The following KRT40 variants were observed in gnomAD, a reference collection of about 807,000 sequenced individuals.
The protein encoded by KRT40 is keratin 40, also known as keratin, type I cytoskeletal 40.
Under a neutral mutation model 43.5 loss-of-function variants are expected in KRT40, and 47 were observed. The ratio of observed to expected loss-of-function variants is 1.08; its 90% confidence interval spans 0.86 to 1.38. KRT40 has a LOEUF of 1.38. KRT40 is among the 40% of genes most tolerant of loss of function. KRT40 has a pLI of 0.00. For missense variants in KRT40, 573 were observed against 523.6 expected (o/e 1.09, Z -0.92); for synonymous variants, 212 against 214.0 (o/e 0.99, Z 0.08).
chr17:40,981,788 G>A (rs981805977), intron 3 of KRT40, among the ~76,000 whole-genome samples: 3 of 152,170 alleles, frequency 2.0e-5, no homozygotes, highest in Non-Finnish European at 4.4e-5. Context: ...CTCTGGCGCT[G>A]TCTAGGGGTT....
chr17:40,983,458 G>A (rs879360532), intron 1 of KRT40, among the ~76,000 whole-genome samples: 10 of 152,160 alleles, frequency 6.6e-5, no homozygotes, highest in Non-Finnish European at 1.3e-4. Context: ...AGAAATTCAT[G>A]GAGAGAAGAA....
Position 40,984,028 on chromosome 17 carries a change from A to G in KRT40, c.246T>C (p.Asp82=). 6.2e-7 allele frequency: 1 copy of G among 1,614,022 alleles called. No homozygotes were observed. Among genetic ancestry groups the G allele is most frequent in the Non-Finnish European group, 8.5e-7 (1 of 1,180,018 alleles). The change falls in exon 1 of 7, where the codon GAT becomes GAC. Residue 82 remains aspartate (D), a synonymous_variant. Transcript: ENST00000377755. ...CCTTCTCATTGCTAGTGAACACCCC[A>G]TCCTCACACCAGGCACAGTTCCCCA... ...CLVGNCAWCE[D]GVFTSNEKET...
chr17:40,985,011 T>A (rs1444765642), upstream of KRT40, among the ~76,000 whole-genome samples: 1 of 152,238 alleles, frequency 6.6e-6, no homozygotes, highest in Non-Finnish European at 1.5e-5. Context: ...ACTTGCCTTC[T>A]CCACATTTCT....
chr17:40,981,243 G>C (rs1397083), intron 3 of KRT40, 92 bp from the exon 4 acceptor site: 13 of 1,595,956 alleles, frequency 8.1e-6, no homozygotes, highest in Middle Eastern at 3.3e-4. Context: ...TTTTGGAGCA[G>C]TGGGTAAAAG....
chr17:40,986,759 T>C (rs1912488236), upstream of KRT40, among the ~76,000 whole-genome samples: 1 of 150,796 alleles, frequency 6.6e-6, no homozygotes, highest in Admixed American at 6.6e-5. Context: ...AACAACACGG[T>C]AGTTTATTTT....
At position 40,984,152 on chromosome 17, in the gene KRT40, G is replaced by T; in HGVS notation, c.122C>A (p.Ser41Tyr). The change falls in exon 1 of 7, where the codon TCC becomes TAC. Residue 41 changes from serine to tyrosine, a missense_variant. Transcript: ENST00000377755. ...TACLPGTCAT[S>Y]RCQTPSFLSR... ...TAGGAAGCTTGGAGTCTGACATCGG[G>T]ATGTAGCACAGGTACCGGGGAGACA... 1 of 1,614,118 alleles carries T rather than the reference G, an allele frequency of 6.2e-7. No individual in the cohort carries two copies. Among genetic ancestry groups the T allele is most frequent in the Non-Finnish European group, 8.5e-7 (1 of 1,180,034 alleles).
upstream of KRT40, chr17:40,984,359 C>T: frequency 9.8e-7 from 1 of 1,024,310 alleles, no homozygotes; most frequent in Admixed American, 2.5e-5. Flanking sequence ...TTTTATAACC[C>T]CCCAAAATGG....
chr17:40,977,943 T>G lies in KRT40; in HGVS notation c.*254A>C. On this transcript the variant is annotated 3_prime_UTR_variant, in exon 7 of 7. Transcript: ENST00000377755. ...AACAGTAATCAGCCATAGAGCTATA[T>G]TTACCACGCTAAAGGAATAAAACAC... 1 of 397,822 alleles carries G rather than the reference T, an allele frequency of 2.5e-6. No individual in the cohort carries two copies. The allele number at this position is 397,822 out of a possible 1,614,324, so 24.6% of individuals were successfully genotyped here.
At chr17:40,985,497 C>G (rs866108294), upstream of KRT40, among the ~76,000 whole-genome samples, 3 of 152,002 alleles carry the variant, frequency 2.0e-5, no homozygotes, top group African/African-American at 4.8e-5. Flanking sequence ...AGGAAAAAAA[C>G]AGATTAATCT....
intron 6 of KRT40, among the ~76,000 whole-genome samples, 183 bp from the exon 7 acceptor site, chr17:40,978,479 G>A (rs1911919401): frequency 6.6e-6 from 1 of 152,184 alleles, no homozygotes. Context: ...CACTGTAGCA[G>A]TGGCAGTTGA....
At chr17:40,983,021 TA>T in intron 2 of KRT40, 24 bp downstream of exon 2, 1 of 968,128 alleles carries the variant, frequency 1.0e-6, no homozygotes, top group Non-Finnish European at 1.6e-6. Flanking sequence ...AATAAATAAA[TA>T]AAATAAAATT....
chr17:40,984,023 ACC>A lies in KRT40; in HGVS notation c.249_250del (p.Phe85HisfsTer2), dbSNP rs1912326078. 6.2e-7 allele frequency: 1 copy of A among 1,613,938 alleles called. No homozygotes were observed. ...CGTCTCCTTCTCATTGCTAGTGAAC[ACC>A]CCATCCTCACACCAGGCACAGTTCC... On this transcript the variant is annotated frameshift_variant, in exon 1 of 7. Transcript: ENST00000377755. LOFTEE classifies it high-confidence loss of function.
At chr17:40,979,961 C>G (rs1414543754) in intron 5 of KRT40, among the ~76,000 whole-genome samples, 1 of 152,152 alleles carries the variant, frequency 6.6e-6, no homozygotes, top group Non-Finnish European at 1.5e-5. Context: ...AATATCCTGA[C>G]TTGATCATTA....
chr17:40,986,690 T>G (rs1166929922), upstream of KRT40, among the ~76,000 whole-genome samples: 1 of 150,898 alleles, frequency 6.6e-6, no homozygotes, highest in Non-Finnish European at 1.5e-5. Context: ...AAAGGAACAT[T>G]GGGAATAGAG....
chr17:40,984,139 A>T lies in KRT40; in HGVS notation c.135T>A (p.Thr45=), dbSNP rs992497784. 17 of 1,614,018 alleles carry T rather than the reference A, an allele frequency of 1.1e-5. No individual in the cohort carries two copies. In the Admixed American group the frequency reaches 2.0e-4, roughly 19 times the overall value. Residue 45 remains threonine, a synonymous_variant, in exon 1 of 7, where the codon ACT becomes ACA. Transcript: ENST00000377755. ...CGCGAGACCTGGATAGGAAGCTTGG[A>T]GTCTGACATCGGGATGTAGCACAGG... ...PGTCATSRCQ[T]PSFLSRSRGL...
At chr17:40,985,401 C>A (rs573978637), upstream of KRT40, among the ~76,000 whole-genome samples, 16 of 152,192 alleles carry the variant, frequency 1.1e-4, no homozygotes, top group South Asian at 3.1e-3. Flanking sequence ...TAATCTATTT[C>A]ACTTTGCTTG....
In KRT40 at chr17:40,984,163, G is replaced by T. The variant is rs918200883; in HGVS notation, c.111C>A (p.Thr37=). ...GAGTCTGACATCGGGATGTAGCACA[G>T]GTACCGGGGAGACAAGCTGTTTCCA... ...CSVETACLPG[T]CATSRCQTPS... The change falls in exon 1 of 7, where the codon ACC becomes ACA. Residue 37 remains threonine (T), a synonymous_variant. Transcript: ENST00000377755. 1.9e-6 allele frequency: 3 copies of T among 1,614,090 alleles called. No homozygotes were observed. Among genetic ancestry groups the T allele is most frequent in the African/African-American group, 1.3e-5 (1 of 75,014 alleles).
chr17:40,984,185 T>G lies in KRT40; in HGVS notation c.89A>C (p.Glu30Ala). 1.2e-6 allele frequency: 2 copies of G among 1,613,992 alleles called. No individual in the cohort carries two copies. The highest frequency in any genetic ancestry group is 1.6e-4 in the Middle Eastern group (1 of 6,062). Residue 30 changes from glutamate to alanine, a missense_variant, in exon 1 of 7, where the codon GAA becomes GCA. Coordinates refer to ENST00000377755, the MANE Select transcript of KRT40 (RefSeq NM_001389244.1). The part of the protein sequence containing the change: ...GCAPASSCSV[E>A]TACLPGTCAT... ...ACAGGTACCGGGGAGACAAGCTGTTTCCACGGAGCAGCTTGAGGCAGGTGC... is the reference window on the plus strand; with the variant it reads ...ACAGGTACCGGGGAGACAAGCTGTTGCCACGGAGCAGCTTGAGGCAGGTGC...
At chr17:40,984,362 CA>C, upstream of KRT40, 8 of 986,832 alleles carry the variant, frequency 8.1e-6, no homozygotes, top group South Asian at 3.3e-5. Flanking sequence ...TATAACCCCC[CA>C]AAATGGGTGT....
Sources: gnomAD v4.1 joint callset for allele counts (sites outside exome capture counted in the v4.1 genomes callset) on GRCh38, gnomAD v4.1.1 for gene constraint, MANE v1.5 for transcripts, NCBI Gene and HGNC (gene_info 2026-07-23, HGNC 2026-07-21) for gene names.